Variants in SYT1 observed in about 807,000 individuals in gnomAD.
SYT1 encodes the protein synaptotagmin 1.
A neutral mutation model predicts 44.8 loss-of-function variants in SYT1; 8 were observed. That is an observed-to-expected ratio of 0.18 (90% CI 0.10 to 0.32). The LOEUF (loss-of-function observed/expected upper bound fraction) is 0.32. Among genes scored for constraint, SYT1 ranks in the 10% least tolerant of loss-of-function variants. The probability of loss-of-function intolerance (pLI) is 1.00; values close to 1 mark genes in which losing one functional copy is unlikely to be tolerated. For missense variants in SYT1, 286 were observed against 509.3 expected, an observed-to-expected ratio of 0.56 and a Z score of 4.22; for synonymous variants, 154 against 188.8, an observed-to-expected ratio of 0.82 and a Z score of 1.51.
chr12:79,021,142 C>T (rs1303879540), intron 2 of SYT1, among the ~76,000 whole-genome samples: 1 of 151,878 alleles, frequency 6.6e-6, no homozygotes, highest in Non-Finnish European at 1.5e-5. Context: ...ATAAAAACAT[C>T]CTTGCAAATG....
At position 79,321,610 on chromosome 12, in the gene SYT1, G is replaced by A. The variant is rs189978558; in HGVS notation, c.810+22059G>A. Reference sequence around the variant, plus strand: ...CTGAACTGAACCTGAAGGTAGAAAAGGAATGGGACTTAGCTGAATTTTAAC... The same window carrying A: ...CTGAACTGAACCTGAAGGTAGAAAAAGAATGGGACTTAGCTGAATTTTAAC... On this transcript the variant is annotated intron_variant, in intron 8 of 10. Transcript: ENST00000261205. Among the ~76,000 whole-genome samples, 1,239 of 152,298 alleles carry A rather than the reference G, an allele frequency of 8.1e-3. 11 individuals are homozygous for A. The highest frequency in any genetic ancestry group is 0.028 in the African/African-American group (1,172 of 41,546).
At chr12:79,175,206 T>C (rs776481498) in intron 3 of SYT1, among the ~76,000 whole-genome samples, 6 of 152,036 alleles carry the variant, frequency 3.9e-5, no homozygotes, top group Non-Finnish European at 5.9e-5. Context: ...TTAGTTCTAA[T>C]AGAAACACAA....
At chr12:79,385,786 T>C (rs1884413910) in intron 9 of SYT1, among the ~76,000 whole-genome samples, 2 of 152,144 alleles carry the variant, frequency 1.3e-5, no homozygotes, top group African/African-American at 4.8e-5. Flanking sequence ...ATGAATATAC[T>C]AAATAAAGGA....
intron 1 of SYT1, among the ~76,000 whole-genome samples, chr12:78,946,727 A>T (rs1462248820): frequency 6.6e-6 from 1 of 152,092 alleles, no homozygotes; most frequent in Admixed American, 6.6e-5. Context: ...GAAAAGAAAA[A>T]GCATGTATTT....
chr12:79,330,028 C>A (rs1192407252), intron 8 of SYT1, among the ~76,000 whole-genome samples: 2 of 152,114 alleles, frequency 1.3e-5, no homozygotes, highest in Admixed American at 1.3e-4. Flanking sequence ...AATTTTATTA[C>A]CCCTCCTGAG....
intron 1 of SYT1, among the ~76,000 whole-genome samples, chr12:78,976,320 TG>T (rs1160097742): frequency 6.6e-6 from 1 of 152,202 alleles, no homozygotes; most frequent in Admixed American, 6.5e-5. Flanking sequence ...CAGCCTGAGC[TG>T]GAGTCAACTA....
intron 9 of SYT1, among the ~76,000 whole-genome samples, chr12:79,423,517 A>C (rs1387353386): frequency 6.6e-6 from 1 of 152,134 alleles, no homozygotes; most frequent in Non-Finnish European, 1.5e-5. Context: ...ACAAACACAC[A>C]TACACACAAC....
chr12:78,878,961 T>A (rs1488952452), intron 1 of SYT1, among the ~76,000 whole-genome samples: 1 of 151,698 alleles, frequency 6.6e-6, no homozygotes, highest in Non-Finnish European at 1.5e-5. Flanking sequence ...AACATCAGAA[T>A]TTCTTACCAG....
intron 1 of SYT1, among the ~76,000 whole-genome samples, chr12:78,874,350 A>C (rs1873960458): frequency 6.6e-6 from 1 of 151,562 alleles, no homozygotes; most frequent in South Asian, 2.1e-4. Flanking sequence ...AAAGAGGTAG[A>C]GGTACCCAAA....
chr12:78,973,328 T>C (rs986293734), intron 1 of SYT1, among the ~76,000 whole-genome samples: 1 of 152,182 alleles, frequency 6.6e-6, no homozygotes, highest in East Asian at 1.9e-4. Flanking sequence ...CTCACCATGT[T>C]GTACAGTAGA....
chr12:79,113,589 TA>T (rs1201429817), intron 3 of SYT1, among the ~76,000 whole-genome samples: 1 of 152,144 alleles, frequency 6.6e-6, no homozygotes, highest in African/African-American at 2.4e-5. Context: ...AAATAAAACC[TA>T]TTTAACTTTC....
At chr12:78,899,447 T>C (rs950410103) in intron 1 of SYT1, among the ~76,000 whole-genome samples, 4 of 152,004 alleles carry the variant, frequency 2.6e-5, no homozygotes, top group African/African-American at 9.7e-5. Flanking sequence ...AATTTTTATT[T>C]ATATTTAAAA....
At chr12:79,101,164 T>C (rs923596160) in intron 3 of SYT1, among the ~76,000 whole-genome samples, 9 of 152,204 alleles carry the variant, frequency 5.9e-5, no homozygotes, top group African/African-American at 2.2e-4. Context: ...CTGGCGTTCA[T>C]AGTACCACTA....
At position 79,391,538 on chromosome 12, in the gene SYT1, T is replaced by C. The variant is rs1438776571; in HGVS notation, c.928+37919T>C. On this transcript the variant is annotated intron_variant, in intron 9 of 10. Coordinates refer to ENST00000261205, the MANE Select transcript of SYT1 (RefSeq NM_005639.3). ...AAAGAATAACACAGTCCATAGGTCA[T>C]TAACTTCAAATCATGTATTAGGAAG... is the stretch of plus-strand genomic sequence containing the variant. 3.3e-5 allele frequency among the ~76,000 whole-genome samples: 5 copies of C among 152,360 alleles called. No homozygotes were observed. The East Asian group carries it at 5.8e-4, about 18-fold the overall frequency.
chr12:79,094,478 A>T (rs974299710), intron 3 of SYT1, among the ~76,000 whole-genome samples: 1 of 151,894 alleles, frequency 6.6e-6, no homozygotes, highest in African/African-American at 2.4e-5. Flanking sequence ...TGCACCATAC[A>T]TGCACACATG....
At chr12:78,948,622 G>T (rs1393004441) in intron 1 of SYT1, among the ~76,000 whole-genome samples, 3 of 151,880 alleles carry the variant, frequency 2.0e-5, no homozygotes, top group Admixed American at 1.3e-4. Context: ...TGGATTATGT[G>T]AATTTTATTA....
chr12:78,913,318 CTT>C (rs935946976), intron 1 of SYT1, among the ~76,000 whole-genome samples: 3 of 151,220 alleles, frequency 2.0e-5, no homozygotes, highest in African/African-American at 7.2e-5. Flanking sequence ...AAAATACACT[CTT>C]TTTGTCTTAT....
chr12:79,328,585 G>A (rs58417773), intron 8 of SYT1, among the ~76,000 whole-genome samples: 7,640 of 152,128 alleles, frequency 0.05, 414 homozygotes, highest in African/African-American at 0.13. Flanking sequence ...GGTGGCTCAC[G>A]CCTGTAATCC....
chr12:79,107,432 T>C (rs1210041895), intron 3 of SYT1, among the ~76,000 whole-genome samples: 1 of 151,938 alleles, frequency 6.6e-6, no homozygotes, highest in Non-Finnish European at 1.5e-5. Flanking sequence ...TACAAAAGTA[T>C]AAAATATATA....
Sources: allele counts gnomAD v4.1 joint callset (sites outside exome capture counted in the v4.1 genomes callset), GRCh38; gene constraint gnomAD v4.1.1; transcripts MANE v1.5; gene names NCBI Gene and HGNC (gene_info 2026-07-23, HGNC 2026-07-21).